Variants in PPP4R2 observed in about 807,000 individuals in gnomAD.
PPP4R2 encodes the protein protein phosphatase 4 regulatory subunit 2.
PPP4R2 carries 13 observed loss-of-function variants against 47.2 expected under a neutral mutation model. The ratio of observed to expected loss-of-function variants is 0.28; its 90% CI spans 0.18 to 0.44. The LOEUF (loss-of-function observed/expected upper bound fraction) is 0.44. Ranked by LOEUF, PPP4R2 falls within the 20% of genes least tolerant of loss-of-function variation. The pLI is 1.00. For synonymous variants in PPP4R2, 151 were observed against 163.3 expected (o/e 0.92, Z 0.57); for missense variants, 421 against 491.2 (o/e 0.86, Z 1.35).
At chr3:73,017,180 A>G (rs1701858374) in intron 2 of PPP4R2, among the ~76,000 whole-genome samples, 1 of 152,080 alleles carries the variant, frequency 6.6e-6, no homozygotes, top group Non-Finnish European at 1.5e-5. Context: ...CAGCCTCACA[A>G]AGTGCTGGGA....
intron 2 of PPP4R2, among the ~76,000 whole-genome samples, chr3:73,017,499 G>T (rs1248954465): frequency 6.6e-6 from 1 of 152,088 alleles, no homozygotes; most frequent in Non-Finnish European, 1.5e-5. Flanking sequence ...AGCCACTGGT[G>T]GGTCCCCTGC....
chr3:73,058,701 GATAA>G (rs1372819935), intron 3 of PPP4R2, among the ~76,000 whole-genome samples: 2 of 151,606 alleles, frequency 1.3e-5, no homozygotes, highest in African/African-American at 4.8e-5. Context: ...TAAAATGTAC[GATAA>G]ATTATTGTAG....
intron 3 of PPP4R2, among the ~76,000 whole-genome samples, chr3:73,057,240 G>C (rs1043842303): frequency 2.0e-5 from 3 of 152,134 alleles, no homozygotes; most frequent in Non-Finnish European, 4.4e-5. Context: ...TTAAAGTAGA[G>C]TTAGTTTTGT....
chr3:73,065,928 C>A lies in PPP4R2; in HGVS notation c.*206C>A. The stretch of plus-strand genomic sequence containing the variant: ...TGGGTCCTGCTTACCTTACCGCTGA[C>A]TTTTCTTTCTTTCTTTTTTTGGTCT... On this transcript the variant is annotated 3_prime_UTR_variant, in exon 9 of 9. Coordinates refer to ENST00000356692, the MANE Select transcript of PPP4R2 (RefSeq NM_174907.4). 1 of 339,704 alleles carries A rather than the reference C, an allele frequency of 2.9e-6. No individual in the cohort carries two copies. The highest frequency in any genetic ancestry group is 5.2e-6 in the Non-Finnish European group (1 of 190,546). 21.0% of individuals were successfully genotyped at this position (339,704 alleles called of 1,614,324 possible).
intron 2 of PPP4R2, among the ~76,000 whole-genome samples, chr3:73,000,726 T>C (rs1701441244): frequency 6.6e-6 from 1 of 152,196 alleles, no homozygotes; most frequent in Non-Finnish European, 1.5e-5. Flanking sequence ...CCCAGGTGAA[T>C]TGTTTCTGGC....
At chr3:73,032,834 A>G (rs904575202) in intron 2 of PPP4R2, among the ~76,000 whole-genome samples, 1 of 152,088 alleles carries the variant, frequency 6.6e-6, no homozygotes, top group South Asian at 2.1e-4. Flanking sequence ...TGTTAATGCT[A>G]TTTTTTTCAT....
In PPP4R2 at chr3:73,064,864, C is replaced by T; in HGVS notation, c.651C>T (p.Thr217=). 1 of 1,604,486 alleles carries T rather than the reference C, an allele frequency of 6.2e-7. No homozygotes were observed. Among genetic ancestry groups the T allele is most frequent in the Non-Finnish European group, 8.5e-7 (1 of 1,176,582 alleles). Residue 217 remains threonine, a synonymous_variant, in exon 8 of 9, where the codon ACC becomes ACT. Transcript: ENST00000356692. ...NEEKNHSDSS[T]SESEVSSVSP... ...AAAACATTTACAGTGACTCTTCGAC[C>T]TCTGAATCAGAAGTTTCCTCAGTGA... is the stretch of plus-strand genomic sequence containing the variant.
chr3:73,062,587 A>G, intron 5 of PPP4R2: 1 of 1,614,006 alleles, frequency 6.2e-7, no homozygotes. Context: ...AGCAGATTCA[A>G]AGATATGCCT....
At chr3:73,029,031 G>C (rs544702173) in intron 2 of PPP4R2, among the ~76,000 whole-genome samples, 1 of 152,108 alleles carries the variant, frequency 6.6e-6, no homozygotes, top group Non-Finnish European at 1.5e-5. Flanking sequence ...CTGCAGCCTC[G>C]AACTCCTGGG....
chr3:73,046,349 T>A (rs541205375), intron 2 of PPP4R2, among the ~76,000 whole-genome samples: 45 of 152,316 alleles, frequency 3.0e-4, no homozygotes, highest in African/African-American at 9.9e-4. Context: ...TGTGTAAATT[T>A]GTTTAAGTAG....
In PPP4R2 at chr3:73,014,011, T is replaced by C. The variant is rs1352050807; in HGVS notation, c.116+15853T>C. ...CTTCATGGGCTGCATAATATTTTAT[T>C]GTTTTGGGTGTTCTTTATTTAACCT... On this transcript the variant is annotated intron_variant, in intron 2 of 8. Transcript: ENST00000356692. 2.2e-5 allele frequency among the ~76,000 whole-genome samples: 2 copies of C among 92,032 alleles called. 1 individual carries two copies. Among genetic ancestry groups the C allele is most frequent in the Non-Finnish European group, 5.5e-5 (2 of 36,268 alleles). The allele number at this position is 92,032 out of a possible 152,430, so 60.4% of individuals were successfully genotyped here. A position where few individuals can be genotyped will look rare whatever the true frequency, so the allele number is the denominator to read the frequency against.
intron 2 of PPP4R2, among the ~76,000 whole-genome samples, chr3:73,004,526 G>T (rs1187403291): frequency 1.3e-5 from 2 of 152,070 alleles, no homozygotes; most frequent in Admixed American, 6.6e-5. Flanking sequence ...TGCAATCTTG[G>T]TTCACTGTAA....
chr3:73,021,899 TA>T (rs1348969493), intron 2 of PPP4R2, among the ~76,000 whole-genome samples: 4 of 100,920 alleles, frequency 4.0e-5, no homozygotes, highest in African/African-American at 3.4e-5. Flanking sequence ...CATATATATA[TA>T]TTTTTTTTTT....
chr3:73,011,025 C>CTGA (rs59814178), intron 2 of PPP4R2, among the ~76,000 whole-genome samples: 80,019 of 151,722 alleles, frequency 0.53, 21,456 homozygotes, highest in African/African-American at 0.62. Context: ...GGTTGTACAG[C>CTGA]TAAGTAATGG....
chr3:73,015,088 T>C (rs1559550241), intron 2 of PPP4R2: 1 of 451,756 alleles, frequency 2.2e-6, no homozygotes, highest in East Asian at 3.3e-5. Flanking sequence ...AGGAAGAAAA[T>C]AAATACTGAG....
At chr3:73,030,113 AGG>A (rs1214471223) in intron 2 of PPP4R2, among the ~76,000 whole-genome samples, 1 of 152,220 alleles carries the variant, frequency 6.6e-6, no homozygotes, top group Non-Finnish European at 1.5e-5. Context: ...AAATTTTAAA[AGG>A]GAGAAATATC....
chr3:73,056,633 A>G (rs892233287), intron 3 of PPP4R2, among the ~76,000 whole-genome samples: 9 of 152,188 alleles, frequency 5.9e-5, no homozygotes, highest in African/African-American at 2.2e-4. Context: ...GATCTTTTGA[A>G]AAAAGCTTCT....
At chr3:73,047,637 G>A (rs1702511657) in intron 3 of PPP4R2, among the ~76,000 whole-genome samples, 1 of 152,124 alleles carries the variant, frequency 6.6e-6, no homozygotes, top group African/African-American at 2.4e-5. Context: ...TTGGTGTTAT[G>A]TCTTCATACT....
At position 73,065,585 on chromosome 3, in the gene PPP4R2, A is replaced by C. The variant is rs1392501795; in HGVS notation, c.1117A>C (p.Ser373Arg). The change falls in exon 9 of 9, where the codon AGT (serine) becomes CGT (arginine). Residue 373 changes from serine to arginine, a missense_variant. Ser to Arg is a moderately radical substitution (Grantham distance 110). Coordinates refer to ENST00000356692, the MANE Select transcript of PPP4R2 (RefSeq NM_174907.4). ...TGAAAACGAAGGCCCTGTAAGTAGT[A>C]GTTCTTCTGACTGCCGTGAAACAGA... Reference protein sequence around the residue: ...GSENEGPVSSSSSDCRETEEL... With the variant: ...GSENEGPVSSRSSDCRETEEL... The C allele has an allele frequency of 3.1e-6, 5 of 1,613,598 alleles. No homozygotes were observed. The highest frequency in any genetic ancestry group is 4.2e-6 in the Non-Finnish European group (5 of 1,179,734).
Sources: gnomAD v4.1 joint callset for allele counts (sites outside exome capture counted in the v4.1 genomes callset) on GRCh38, gnomAD v4.1.1 for gene constraint, MANE v1.5 for transcripts, NCBI Gene and HGNC (gene_info 2026-07-23, HGNC 2026-07-21) for gene names.